The following ARHGEF3 variants were observed in gnomAD, a reference collection of about 807,000 sequenced individuals.
ARHGEF3 encodes 59.8 kDA protein.
Under a neutral mutation model 63.2 loss-of-function variants are expected in ARHGEF3, and 28 were observed. That is an observed-to-expected ratio of 0.44 (90% CI 0.33 to 0.61). ARHGEF3 has a LOEUF of 0.61. Ranked by LOEUF, ARHGEF3 falls within the 20% of genes least tolerant of loss-of-function variation. ARHGEF3 has a pLI of 0.03. For synonymous variants in ARHGEF3, 266 were observed against 254.2 expected, an observed-to-expected ratio of 1.05 and a Z score of -0.44; for missense variants, 533 against 659.3, an observed-to-expected ratio of 0.81 and a Z score of 2.10.
At chr3:56,788,653 C>A (rs751581756) in intron 1 of ARHGEF3, among the ~76,000 whole-genome samples, 15 of 151,786 alleles carry the variant, frequency 9.9e-5, no homozygotes, top group Admixed American at 9.9e-4. Flanking sequence ...GGTCTGTGTC[C>A]GTGGTTGGCA....
chr3:56,867,479 A>ATTTT (rs2040291603), intron 4 of ARHGEF3, among the ~76,000 whole-genome samples: 3 of 149,080 alleles, frequency 2.0e-5, no homozygotes, highest in African/African-American at 7.7e-5. Context: ...TTATTTATTT[A>ATTTT]TTTATTTTTT....
chr3:56,801,670 C>T lies in ARHGEF3; in HGVS notation c.96+33G>A, dbSNP rs374784465. On this transcript the variant is annotated intron_variant, in intron 1 of 9. Transcript: ENST00000296315. ...GAGGCAGACGAGACAGGCAGATGAC[C>T]CATAGAGGTCCAGGTGCAGGGCGCG... is the stretch of plus-strand genomic sequence containing the variant. The T allele has an allele frequency of 9.7e-5, 150 of 1,550,606 alleles. 1 individual carries two copies. In the Middle Eastern group the frequency reaches 2.0e-3, roughly 21 times the overall value.
chr3:56,854,795 G>A (rs1327338735), intron 4 of ARHGEF3, among the ~76,000 whole-genome samples: 1 of 151,940 alleles, frequency 6.6e-6, no homozygotes, highest in Non-Finnish European at 1.5e-5. Context: ...GGGCAGGTAG[G>A]AAAGGTAAGA....
Position 56,879,176 on chromosome 3 carries a change from C to T in ARHGEF3, c.192+3116G>A, listed in dbSNP as rs559117304. On this transcript the variant is annotated intron_variant, in intron 4 of 12. Transcript: ENST00000338458. ...GTAATAATAATAGAAATAAAGTACA[C>T]AATAAATGTAAAGTGCTTGAATCAT... 5.3e-5 allele frequency among the ~76,000 whole-genome samples: 8 copies of T among 152,254 alleles called. No individual in the cohort carries two copies. In the South Asian group the frequency reaches 6.2e-4, roughly 12 times the overall value.
chr3:56,884,339 A>G (rs1159728141), intron 3 of ARHGEF3, among the ~76,000 whole-genome samples: 1 of 152,164 alleles, frequency 6.6e-6, no homozygotes, highest in African/African-American at 2.4e-5. Context: ...AGGCATTTGA[A>G]TAGGCCTAAA....
chr3:56,872,927 G>C (rs1002065693), intron 4 of ARHGEF3, among the ~76,000 whole-genome samples: 1 of 152,144 alleles, frequency 6.6e-6, no homozygotes, highest in Non-Finnish European at 1.5e-5. Flanking sequence ...AATAGCAACA[G>C]TAGTTATTTT....
intron 4 of ARHGEF3, among the ~76,000 whole-genome samples, chr3:56,871,709 G>T (rs946721593): frequency 2.0e-5 from 3 of 152,008 alleles, no homozygotes; most frequent in African/African-American, 7.2e-5. Flanking sequence ...TAATATAATA[G>T]AAAAGCTTAT....
At chr3:57,060,225 T>C (rs1579190460) in intron 1 of ARHGEF3, among the ~76,000 whole-genome samples, 1 of 148,458 alleles carries the variant, frequency 6.7e-6, no homozygotes, top group East Asian at 2.0e-4. Flanking sequence ...CTCTTGAGCC[T>C]GGGAGGTCAA....
chr3:56,775,604 C>T, intron 1 of ARHGEF3: 1 of 985,580 alleles, frequency 1.0e-6, no homozygotes, highest in Non-Finnish European at 1.2e-6. Context: ...AGATGAAAGC[C>T]ATTGCGTGAC....
chr3:56,829,089 C>T (rs2038838329), intron 4 of ARHGEF3, among the ~76,000 whole-genome samples: 1 of 152,004 alleles, frequency 6.6e-6, no homozygotes, highest in Non-Finnish European at 1.5e-5. Flanking sequence ...CCATGCCTGG[C>T]TAAGTTTTGT....
At chr3:57,002,481 A>ATATATATATATATATATATATTT (rs1560122783) in intron 2 of ARHGEF3, among the ~76,000 whole-genome samples, 1 of 19,480 alleles carries the variant, frequency 5.1e-5, no homozygotes, top group African/African-American at 1.5e-4. Context: ...TATATATGTT[A>ATATATATATATATATATATATTT]TATATATATA....
intron 1 of ARHGEF3, chr3:57,075,446 CAT>C (rs1706168297): frequency 6.0e-6 from 1 of 166,242 alleles, no homozygotes. Context: ...GTGGCTAAGA[CAT>C]GTGTAAATAC....
At chr3:56,764,946 G>C (rs143652134) in intron 2 of ARHGEF3, among the ~76,000 whole-genome samples, 12 of 151,804 alleles carry the variant, frequency 7.9e-5, no homozygotes, top group African/African-American at 2.9e-4. Context: ...TAGTAGAGAC[G>C]GGGTTTCACC....
At chr3:56,784,335 A>G (rs907587814) in intron 1 of ARHGEF3, among the ~76,000 whole-genome samples, 2 of 152,202 alleles carry the variant, frequency 1.3e-5, no homozygotes, top group Non-Finnish European at 2.9e-5. Context: ...TAACGTGCCT[A>G]TAATGCCACA....
chr3:56,922,121 G>A (rs186546389), intron 3 of ARHGEF3, among the ~76,000 whole-genome samples: 280 of 151,816 alleles, frequency 1.8e-3, no homozygotes, highest in African/African-American at 6.2e-3. Flanking sequence ...AGCAGCCACC[G>A]GCCTGGCCGC....
intron 1 of ARHGEF3, chr3:57,074,062 A>G (rs1223558502): frequency 1.7e-5 from 27 of 1,614,086 alleles, no homozygotes; most frequent in South Asian, 2.2e-5. Context: ...CAAGTTATTC[A>G]TAACTCTACA....
chr3:56,966,355 C>A (rs961226358), intron 2 of ARHGEF3, among the ~76,000 whole-genome samples: 2 of 152,232 alleles, frequency 1.3e-5, no homozygotes, highest in African/African-American at 4.8e-5. Flanking sequence ...TTGACAGTGA[C>A]TGATTACATA....
chr3:56,729,311 A>G lies in ARHGEF3; in HGVS notation c.1540T>C (p.Ser514Pro), dbSNP rs116784762. 14 of 1,614,042 alleles carry G rather than the reference A, an allele frequency of 8.7e-6. No individual in the cohort carries two copies. The East Asian group carries it at 2.9e-4, about 33-fold the overall frequency. ...CCGTGCCTGCTGTTTCCACAGGAAG[A>G]GTCTGTCTGTTCCATGCGCTCACAG... Reference protein sequence around the residue: ...LDCERMEQTDSSCGNSRHGES... With the variant: ...LDCERMEQTDPSCGNSRHGES... The change falls in exon 10 of 10, where the codon TCT (serine) becomes CCT (proline). Residue 514 changes from serine to proline, a missense_variant. Transcript: ENST00000296315.
intron 3 of ARHGEF3, among the ~76,000 whole-genome samples, chr3:56,919,836 C>T (rs12485820): frequency 0.2 from 30,879 of 152,084 alleles, 4,030 homozygotes; most frequent in East Asian, 0.49. Flanking sequence ...AGGTGGTGTA[C>T]GCCTACCCAT....
Sources: gnomAD v4.1 joint callset for allele counts (sites outside exome capture counted in the v4.1 genomes callset) on GRCh38, gnomAD v4.1.1 for gene constraint, MANE v1.5 for transcripts, NCBI Gene and HGNC (gene_info 2026-07-23, HGNC 2026-07-21) for gene names.